OGFR: variants seen among roughly 807,000 people sequenced by gnomAD.
The protein encoded by OGFR is opioid growth factor receptor, also known as protein 7-60.
In OGFR, 18 loss-of-function variants were observed where a neutral mutation model predicts 33.6. That is an observed-to-expected ratio of 0.54 (90% CI 0.37 to 0.80). The LOEUF (loss-of-function observed/expected upper bound fraction) is 0.80. Among genes scored for constraint, OGFR ranks in the 30% least tolerant of loss-of-function variants. The pLI is 0.00. For missense variants in OGFR, 877 were observed against 955.8 expected (o/e 0.92, Z 1.09); for synonymous variants, 370 against 400.7 (o/e 0.92, Z 0.91).
Position 62,808,288 on chromosome 20 carries a change from G to C in OGFR, c.282G>C (p.Leu94=), listed in dbSNP as rs932574768. 2.5e-6 allele frequency: 4 copies of C among 1,613,520 alleles called. No homozygotes were observed. Among genetic ancestry groups the C allele is most frequent in the Non-Finnish European group, 3.4e-6 (4 of 1,179,950 alleles). The change falls in exon 3 of 7, where the codon CTG becomes CTC. Residue 94 remains leucine, a synonymous_variant. Coordinates refer to ENST00000290291, the MANE Select transcript of OGFR (RefSeq NM_007346.4). ...ACTGCAATGGGGACACGCCAAACCTGAGTTTCTACAGAAATGAGATCCGCT... is the reference window on the plus strand; with the variant it reads ...ACTGCAATGGGGACACGCCAAACCTCAGTTTCTACAGAAATGAGATCCGCT... ...ERDCNGDTPN[L]SFYRNEIRFL...
intron 5 of OGFR, 107 bp from the exon 6 acceptor site, chr20:62,811,355 C>G: frequency 1.7e-6 from 2 of 1,190,252 alleles, no homozygotes; most frequent in Middle Eastern, 2.6e-4. Flanking sequence ...GTCTGTCTGT[C>G]TGTCTAGTCC....
rs943847253 is a variant in OGFR, at chr20:62,813,890, G to T, written c.*241G>T. On this transcript the variant is annotated 3_prime_UTR_variant, in exon 7 of 7. Transcript: ENST00000290291. ...TCTTCCCCACCCAGCTCTCCCCTGC[G>T]CCCCTGTCTTTGTAAATTGACCCTT... The T allele has an allele frequency of 5.1e-5, 30 of 590,322 alleles. No homozygotes were observed. The highest frequency in any genetic ancestry group is 4.4e-4 in the South Asian group (21 of 48,048). The allele number at this position is 590,322 out of a possible 1,614,324, so 36.6% of individuals were successfully genotyped here.
Position 62,804,856 on chromosome 20 carries a change from G to T in OGFR, c.-4G>T. 7.9e-7 allele frequency: 1 copy of T among 1,267,514 alleles called. No individual in the cohort carries two copies. The allele number at this position is 1,267,514 out of a possible 1,614,324, so 78.5% of individuals were successfully genotyped here. On this transcript the variant is annotated 5_prime_UTR_variant, in exon 1 of 7. Coordinates refer to ENST00000290291, the MANE Select transcript of OGFR (RefSeq NM_007346.4). ...CTCCAGCGCGAGCCCCGCCGCCGCC[G>T]AGCATGGACGACCCCGACTGCGACT...
At chr20:62,807,806 C>T (rs1041575685) in intron 2 of OGFR, 12 of 617,796 alleles carry the variant, frequency 1.9e-5, no homozygotes, top group Admixed American at 2.9e-5. Flanking sequence ...GGGGGCATCC[C>T]CCTACTTTTC....
chr20:62,807,750 C>T (rs1990629641), intron 2 of OGFR, 145 bp downstream of exon 2: 1 of 769,862 alleles, frequency 1.3e-6, no homozygotes, highest in Non-Finnish European at 2.2e-6. Context: ...TGGGGCACAG[C>T]CTGGTATAGA....
chr20:62,806,118 G>C (rs2147181645), intron 1 of OGFR: 1 of 152,418 alleles, frequency 6.6e-6, no homozygotes, highest in South Asian at 2.1e-4. Context: ...TGGGCTGACT[G>C]TGTGGCCACA....
In OGFR at chr20:62,808,244, C is replaced by T; in HGVS notation, c.241-3C>T. Reference sequence around the variant, plus strand: ...CTGCTGTCCCCTTTCTCTGGCTCTTCAGGATCTGGTGGAACGAGACTGCAA... The same window carrying T: ...CTGCTGTCCCCTTTCTCTGGCTCTTTAGGATCTGGTGGAACGAGACTGCAA... On this transcript the variant is annotated splice_polypyrimidine_tract_variant and splice_region_variant and intron_variant, in intron 2 of 6. Coordinates refer to ENST00000290291, the MANE Select transcript of OGFR (RefSeq NM_007346.4). 6.2e-7 allele frequency: 1 copy of T among 1,612,078 alleles called. No homozygotes were observed. The highest frequency in any genetic ancestry group is 8.5e-7 in the Non-Finnish European group (1 of 1,178,646).
chr20:62,810,488 T>G lies in OGFR; in HGVS notation c.399-11T>G. On this transcript the variant is annotated splice_polypyrimidine_tract_variant and intron_variant, in intron 4 of 6. Coordinates refer to ENST00000290291, the MANE Select transcript of OGFR (RefSeq NM_007346.4). The stretch of plus-strand genomic sequence containing the variant: ...TCCTAATCCCTTGCCTGAGCATCTC[T>G]TCTCCTGCAGGCTGTTTCCTCTGCG... 1 of 1,612,460 alleles carries G rather than the reference T, an allele frequency of 6.2e-7. No homozygotes were observed. Among genetic ancestry groups the G allele is most frequent in the Non-Finnish European group, 8.5e-7 (1 of 1,179,292 alleles).
In OGFR at chr20:62,809,459, A is replaced by G. The variant is rs1255689714; in HGVS notation, c.320-126A>G. ...GCACCCTGAAGAGCCTCAGGAGATG[A>G]GGGCGAGGAATAGCTTGGGGAAGCT... On this transcript the variant is annotated intron_variant, in intron 3 of 6. Transcript: ENST00000290291. 1.5e-5 allele frequency: 11 copies of G among 717,428 alleles called. No individual in the cohort carries two copies. In the African/African-American group the frequency reaches 1.9e-4, roughly 12 times the overall value. 44.4% of individuals were successfully genotyped at this position (717,428 alleles called of 1,614,324 possible).
At position 62,813,564 on chromosome 20, in the gene OGFR, C is replaced by T. The variant is rs934353194; in HGVS notation, c.1949C>T (p.Thr650Ile). The T allele has an allele frequency of 1.6e-5, 26 of 1,610,522 alleles. No individual in the cohort carries two copies. Among genetic ancestry groups the T allele is most frequent in the Non-Finnish European group, 2.0e-5 (24 of 1,178,760 alleles). ...ETPGPSPAGP[T>I]RDEPAKAGEA... ...CCAGGCCCCAGCCCGGCAGGACCTA[C>T]AAGGGATGAGCCAGCCAAGGCGGGG... Residue 650 changes from threonine to isoleucine, a missense_variant, in exon 7 of 7, where the codon ACA becomes ATA. Coordinates refer to ENST00000290291, the MANE Select transcript of OGFR (RefSeq NM_007346.4).
At chr20:62,811,743 G>C in intron 6 of OGFR, 133 bp downstream of exon 6, 1 of 1,025,356 alleles carries the variant, frequency 9.8e-7, no homozygotes, top group Non-Finnish European at 1.4e-6. Flanking sequence ...AAGGCCCTGA[G>C]TCCCCTCCTT....
At chr20:62,809,304 G>GT (rs1196461120) in intron 3 of OGFR, among the ~76,000 whole-genome samples, 2 of 152,206 alleles carry the variant, frequency 1.3e-5, no homozygotes, top group African/African-American at 2.4e-5. Flanking sequence ...AGGACCAGTG[G>GT]TTCCCCCAGA....
intron 6 of OGFR, 56 bp from the exon 7 acceptor site, chr20:62,812,174 C>T (rs1359859437): frequency 3.0e-5 from 42 of 1,408,962 alleles, no homozygotes; most frequent in Middle Eastern, 1.9e-4. Flanking sequence ...GGGCGGGGTG[C>T]GGCCCAGCAG....
chr20:62,807,788 G>A (rs182331860), intron 2 of OGFR, 183 bp downstream of exon 2: 23 of 631,310 alleles, frequency 3.6e-5, no homozygotes, highest in Non-Finnish European at 5.9e-5. Flanking sequence ...CCCCTCTCGC[G>A]GGAGACCGGG....
At position 62,813,578 on chromosome 20, in the gene OGFR, G is replaced by A. The variant is rs762011771; in HGVS notation, c.1963G>A (p.Ala655Thr). The change falls in exon 7 of 7, where the codon GCC (alanine) becomes ACC (threonine). Residue 655 changes from alanine (A) to threonine (T), a missense_variant. Ala to Thr is a moderately conservative substitution (Grantham distance 58). This residue lies in a region of OGFR where 45 missense variants were observed against 38.0 expected (regional missense o/e 1.19). Coordinates refer to ENST00000290291, the MANE Select transcript of OGFR (RefSeq NM_007346.4). ...GGCAGGACCTACAAGGGATGAGCCA[G>A]CCAAGGCGGGGGAGGCAGCAGAGTT... is the stretch of plus-strand genomic sequence containing the variant. ...SPAGPTRDEP[A>T]KAGEAAELQD... The A allele has an allele frequency of 6.2e-7, 1 of 1,612,792 alleles. No homozygotes were observed. The highest frequency in any genetic ancestry group is 1.1e-5 in the South Asian group (1 of 91,074).
In OGFR at chr20:62,812,751, C is replaced by T. The variant is rs757394124; in HGVS notation, c.1136C>T (p.Pro379Leu). 6.2e-7 allele frequency: 1 copy of T among 1,610,302 alleles called. No individual in the cohort carries two copies. Among genetic ancestry groups the T allele is most frequent in the East Asian group, 2.2e-5 (1 of 44,774 alleles). ...GAAGATAGGCCGGAGCCCTTAAGCC[C>T]CAAAGAGAGCAAGAAGAGGAAGCTG... is the stretch of plus-strand genomic sequence containing the variant. ...HGEDRPEPLS[P>L]KESKKRKLEL... is the part of the protein sequence containing the mutation. The change falls in exon 7 of 7, where the codon CCC (proline) becomes CTC (leucine). Residue 379 changes from proline (P) to leucine (L), a missense_variant. Pro to Leu is a moderately conservative substitution (Grantham distance 98, BLOSUM62 -3). This residue lies in a region of OGFR where 760 missense variants were observed against 736.0 expected (regional missense o/e 1.03). Coordinates refer to ENST00000290291, the MANE Select transcript of OGFR (RefSeq NM_007346.4).
intron 3 of OGFR, 83 bp from the exon 4 acceptor site, chr20:62,809,502 C>T (rs1990675310): frequency 1.9e-6 from 2 of 1,034,036 alleles, no homozygotes; most frequent in Non-Finnish European, 3.1e-6. Flanking sequence ...GCACTCTCTC[C>T]TTATGTCCCC....
chr20:62,808,397 G>C (rs1990645677), intron 3 of OGFR, 72 bp downstream of exon 3: 2 of 1,144,822 alleles, frequency 1.7e-6, no homozygotes, highest in Non-Finnish European at 2.6e-6. Flanking sequence ...CTGGGCCCTG[G>C]TTTGGGATGT....
At chr20:62,812,168 G>T in intron 6 of OGFR, 62 bp from the exon 7 acceptor site, 1 of 1,394,566 alleles carries the variant, frequency 7.2e-7, no homozygotes, top group Non-Finnish European at 9.5e-7. Context: ...AGGCCAGGGC[G>T]GGGTGCGGCC....
Sources: allele counts gnomAD v4.1 joint callset (sites outside exome capture counted in the v4.1 genomes callset), GRCh38; gene constraint gnomAD v4.1.1; regional missense constraint gnomAD v4.1.1; transcripts MANE v1.5; gene names NCBI Gene and HGNC (gene_info 2026-07-23, HGNC 2026-07-21).